The following NEBL variants were observed in gnomAD, a reference collection of about 807,000 sequenced individuals.
NEBL encodes LIM and SH3 protein 2.
A neutral mutation model predicts 140.2 loss-of-function variants in NEBL; 122 were observed. The ratio of observed to expected loss-of-function variants is 0.87; its 90% confidence interval spans 0.75 to 1.01. The LOEUF (loss-of-function observed/expected upper bound fraction) is 1.01, where lower values mean the gene tolerates loss of function less well. Ranked by LOEUF, NEBL falls within the 50% of genes least tolerant of loss-of-function variation. The probability of loss-of-function intolerance (pLI) is 0.00; values close to 1 mark genes in which losing one functional copy is unlikely to be tolerated. For missense variants in NEBL, 1,365 were observed against 1,231.3 expected (o/e 1.11, Z -1.62); for synonymous variants, 436 against 398.9 (o/e 1.09, Z -1.11).
chr10:20,976,821 T>C (rs1261656279), intron 3 of NEBL, among the ~76,000 whole-genome samples: 1 of 151,566 alleles, frequency 6.6e-6, no homozygotes, highest in East Asian at 1.9e-4. Context: ...TGTGAGATGC[T>C]ATGCTCACTA....
chr10:21,264,138 A>T (rs1187752065), intron 1 of NEBL, among the ~76,000 whole-genome samples: 1 of 152,210 alleles, frequency 6.6e-6, no homozygotes, highest in Non-Finnish European at 1.5e-5. Context: ...CAGTGGTGCC[A>T]TAAGAAGTTT....
At position 20,961,771 on chromosome 10, in the gene NEBL, G is replaced by T; in HGVS notation, c.258C>A (p.Tyr86Ter). 1 of 1,612,712 alleles carries T rather than the reference G, an allele frequency of 6.2e-7. No individual in the cohort carries two copies. The highest frequency in any genetic ancestry group is 8.5e-7 in the Non-Finnish European group (1 of 1,178,910). Reference sequence around the variant, plus strand: ...CTTTGCTTTCTTCAAAATCTCTTTTGTACTTGACCTAACAAGAAGGGGGAA... The same window carrying T: ...CTTTGCTTTCTTCAAAATCTCTTTTTTACTTGACCTAACAAGAAGGGGGAA... Residue 86 changes from tyrosine to a stop codon, truncating the protein, a stop_gained, in exon 4 of 7, where the codon TAC becomes TAA. Transcript: ENST00000417816. LOFTEE classifies it high-confidence loss of function.
At chr10:20,790,833 T>C (rs972137129) in intron 26 of NEBL, among the ~76,000 whole-genome samples, 1 of 152,192 alleles carries the variant, frequency 6.6e-6, no homozygotes, top group African/African-American at 2.4e-5. Flanking sequence ...GGTTGAAAGA[T>C]AGCTATTCCA....
At chr10:21,190,134 A>G (rs1448752865) in intron 3 of NEBL, among the ~76,000 whole-genome samples, 1 of 152,198 alleles carries the variant, frequency 6.6e-6, no homozygotes, top group Non-Finnish European at 1.5e-5. Flanking sequence ...AAAACTTGAC[A>G]TATTATAGGC....
intron 16 of NEBL, among the ~76,000 whole-genome samples, chr10:20,829,695 C>T (rs961392034): frequency 2.6e-5 from 4 of 151,970 alleles, no homozygotes; most frequent in Non-Finnish European, 5.9e-5. Context: ...ATTAAAATCC[C>T]TTAAAATTAG....
chr10:21,001,226 C>T (rs1012818066), intron 3 of NEBL, among the ~76,000 whole-genome samples: 1 of 152,156 alleles, frequency 6.6e-6, no homozygotes, highest in African/African-American at 2.4e-5. Flanking sequence ...GCTAACAGCA[C>T]CTGGTTGTCA....
intron 4 of NEBL, among the ~76,000 whole-genome samples, chr10:20,902,676 G>T (rs1847922499): frequency 6.6e-6 from 1 of 152,016 alleles, no homozygotes; most frequent in Admixed American, 6.5e-5. Context: ...GAAAGTCTTC[G>T]GTTTCATTTA....
intron 26 of NEBL, among the ~76,000 whole-genome samples, chr10:20,794,739 A>G (rs954176406): frequency 6.6e-6 from 1 of 152,342 alleles, no homozygotes; most frequent in South Asian, 2.1e-4. Flanking sequence ...GTTTAATAAT[A>G]TAAGTAAAAT....
chr10:21,036,879 A>G (rs1350750698), intron 2 of NEBL, among the ~76,000 whole-genome samples: 5 of 152,098 alleles, frequency 3.3e-5, no homozygotes, highest in Non-Finnish European at 5.9e-5. Context: ...GGGGAGCAAC[A>G]CTACTCAAGC....
Position 21,112,874 on chromosome 10 carries a change from G to C in NEBL, c.164+59509C>G, listed in dbSNP as rs534440530. 1.8e-4 allele frequency: 57 copies of C among 322,188 alleles called. 5 individuals are homozygous for C. The Middle Eastern group carries it at 7.5e-3, about 42-fold the overall frequency. 20.0% of individuals were successfully genotyped at this position (322,188 alleles called of 1,614,324 possible). A position where few individuals can be genotyped will look rare whatever the true frequency, so the allele number is the denominator to read the frequency against. On this transcript the variant is annotated intron_variant, in intron 2 of 6. Coordinates refer to the NEBL transcript ENST00000417816. ...CAGGGCCTGTACATATTCATAGACA[G>C]TATTTAGTATCTGTGGAGGAAGATG...
At chr10:20,802,027 A>G (rs1281878837) in intron 26 of NEBL, among the ~76,000 whole-genome samples, 1 of 151,936 alleles carries the variant, frequency 6.6e-6, no homozygotes, top group Admixed American at 6.6e-5. Flanking sequence ...TCCCCATCAC[A>G]CTCCCATATC....
At chr10:21,146,349 T>C (rs1336007133) in intron 2 of NEBL, 6 of 1,612,110 alleles carry the variant, frequency 3.7e-6, no homozygotes, top group South Asian at 3.3e-5. Context: ...TACCTGTTCA[T>C]GTCTGGAATG....
intron 2 of NEBL, chr10:21,146,433 G>C (rs1455936194): frequency 6.2e-7 from 1 of 1,613,444 alleles, no homozygotes; most frequent in Non-Finnish European, 8.5e-7. Flanking sequence ...ATATAAGCTA[G>C]AGGACAGCCA....
chr10:20,831,296 T>C lies in NEBL; in HGVS notation c.1571A>G (p.Lys524Arg). 1 of 1,607,498 alleles carries C rather than the reference T, an allele frequency of 6.2e-7. No individual in the cohort carries two copies. The highest frequency in any genetic ancestry group is 1.1e-5 in the South Asian group (1 of 90,950). Residue 524 changes from lysine to arginine, a missense_variant, in exon 16 of 28, where the codon AAG becomes AGG. Physicochemically the swap from Lys to Arg is conservative, Grantham distance 26 (BLOSUM62 2). Coordinates refer to ENST00000377122, the MANE Select transcript of NEBL (RefSeq NM_006393.3). The part of the protein sequence containing the change: ...ASEMASQKQY[K>R]KDLENEIKGK... ...TTTAATTTCATTTTCTAAGTCCTTC[T>C]TGTATTGTTTCTAAAAGAACAGAAA...
chr10:20,848,177 G>A (rs1842130586), intron 11 of NEBL, among the ~76,000 whole-genome samples: 1 of 152,052 alleles, frequency 6.6e-6, no homozygotes, highest in African/African-American at 2.4e-5. Flanking sequence ...TGCTGCTGCA[G>A]AAAAAAGTGC....
At chr10:21,091,958 T>C (rs566298457) in intron 2 of NEBL, among the ~76,000 whole-genome samples, 24 of 152,356 alleles carry the variant, frequency 1.6e-4, no homozygotes, top group Middle Eastern at 3.4e-3. Context: ...TTTTTTCTCA[T>C]CTTGCATTTG....
intron 3 of NEBL, among the ~76,000 whole-genome samples, chr10:21,188,623 A>G (rs1841518436): frequency 6.9e-6 from 1 of 145,116 alleles, no homozygotes; most frequent in Non-Finnish European, 1.5e-5. Flanking sequence ...TTTTTGAGAC[A>G]GAGTCTCGCT....
intron 3 of NEBL, among the ~76,000 whole-genome samples, chr10:20,971,699 T>G (rs956343157): frequency 2.0e-5 from 3 of 150,010 alleles, no homozygotes; most frequent in Non-Finnish European, 3.0e-5. Flanking sequence ...ATGCAAGCTC[T>G]GCCTCCCGGC....
intron 1 of NEBL, among the ~76,000 whole-genome samples, chr10:21,275,451 A>C (rs1842908868): frequency 1.3e-5 from 2 of 152,190 alleles, no homozygotes; most frequent in South Asian, 4.1e-4. Flanking sequence ...AGTTCCTCTC[A>C]CTGAGCCCGA....
Sources: allele counts gnomAD v4.1 joint callset (sites outside exome capture counted in the v4.1 genomes callset), GRCh38; gene constraint gnomAD v4.1.1; transcripts MANE v1.5; gene names NCBI Gene and HGNC (gene_info 2026-07-23, HGNC 2026-07-21).